The following GABRA4 variants were observed in gnomAD, a reference collection of about 807,000 sequenced individuals.
GABRA4 encodes the protein gamma-aminobutyric acid type A receptor subunit alpha4, also known as gamma-aminobutyric acid receptor subunit alpha-4.
Under a neutral mutation model 49.7 loss-of-function variants are expected in GABRA4, and 12 were observed. That is an observed-to-expected ratio of 0.24 (90% confidence interval 0.15 to 0.39). The LOEUF (loss-of-function observed/expected upper bound fraction) is 0.39. Ranked by LOEUF, GABRA4 falls within the 10% of genes least tolerant of loss-of-function variation. The probability of loss-of-function intolerance (pLI) is 1.00; values close to 1 mark genes in which losing one functional copy is unlikely to be tolerated. For missense variants in GABRA4, 506 were observed against 686.0 expected (o/e 0.74, Z 2.93); for synonymous variants, 288 against 240.2 (o/e 1.20, Z -1.84).
intron 8 of GABRA4, among the ~76,000 whole-genome samples, chr4:46,939,393 G>A (rs1051637625): frequency 2.6e-5 from 4 of 151,878 alleles, no homozygotes; most frequent in African/African-American, 9.6e-5. Flanking sequence ...CTACCCAAAG[G>A]GTTTTCACAA....
chr4:46,919,594 G>C lies in GABRA4; in HGVS notation c.*8631C>G, dbSNP rs141339871. ...ATGATATGAGGAAATATGCATTATT[G>C]TTTTTTTACTTCTATAATAAGGAAT... On this transcript the variant is annotated 3_prime_UTR_variant, in exon 9 of 9. Coordinates refer to ENST00000264318, the MANE Select transcript of GABRA4 (RefSeq NM_000809.4). 1.5e-4 allele frequency: 22 copies of C among 151,422 alleles called. No individual in the cohort carries two copies. The highest frequency in any genetic ancestry group is 5.1e-4 in the African/African-American group (21 of 41,464). The allele number at this position is 151,422 out of a possible 1,614,324, so 9.4% of individuals were successfully genotyped here.
chr4:46,985,734 C>T (rs1458040286), intron 2 of GABRA4, among the ~76,000 whole-genome samples: 5 of 151,910 alleles, frequency 3.3e-5, no homozygotes, highest in African/African-American at 9.7e-5. Context: ...TGGATACATC[C>T]TAACCCTAAT....
intron 8 of GABRA4, among the ~76,000 whole-genome samples, chr4:46,960,235 TA>T (rs1482549166): frequency 4.0e-5 from 6 of 151,350 alleles, no homozygotes; most frequent in Non-Finnish European, 5.9e-5. Flanking sequence ...GATATAGAAA[TA>T]AAGCAGTTAT....
chr4:46,968,190 C>T (rs1722832589), intron 7 of GABRA4, among the ~76,000 whole-genome samples: 1 of 151,490 alleles, frequency 6.6e-6, no homozygotes, highest in Non-Finnish European at 1.5e-5. Flanking sequence ...TTGCTAATTT[C>T]CTCCTAAATA....
At position 46,928,385 on chromosome 4, in the gene GABRA4, G is replaced by T. The variant is rs1254841561; in HGVS notation, c.1505C>A (p.Thr502Asn). The change falls in exon 9 of 9, where the codon ACT (threonine) becomes AAT (asparagine). Residue 502 changes from threonine (T) to asparagine (N), a missense_variant. Thr to Asn is a moderately conservative substitution (Grantham distance 65). Coordinates refer to ENST00000264318, the MANE Select transcript of GABRA4 (RefSeq NM_000809.4). ...TIGATGKLSA[T>N]PPPSAPPPSG... The stretch of plus-strand genomic sequence containing the variant: ...AGGTGGTGGAGCCGATGGAGGAGGA[G>T]TAGCTGACAACTTCCCAGTAGCCCC... 2 of 1,613,662 alleles carry T rather than the reference G, an allele frequency of 1.2e-6. No individual in the cohort carries two copies. Among genetic ancestry groups the T allele is most frequent in the Admixed American group, 3.3e-5 (2 of 59,970 alleles).
chr4:46,976,181 A>T lies in GABRA4; in HGVS notation c.577+880T>A, dbSNP rs192104787. On this transcript the variant is annotated intron_variant, in intron 5 of 8. Coordinates refer to ENST00000264318, the MANE Select transcript of GABRA4 (RefSeq NM_000809.4). ...AGGAATCTCATATTGTTTTCTATCC[A>T]TTCATCTCATCCTGTTGCCTTCATT... Among the ~76,000 whole-genome samples, 772 of 151,688 alleles carry T rather than the reference A, an allele frequency of 5.1e-3. 3 individuals carry two copies. The highest frequency in any genetic ancestry group is 0.017 in the African/African-American group (710 of 41,420).
At chr4:46,976,856 G>A (rs568216768) in intron 5 of GABRA4, among the ~76,000 whole-genome samples, 57 of 151,810 alleles carry the variant, frequency 3.8e-4, no homozygotes, top group Admixed American at 7.9e-4. Flanking sequence ...TGTATAAATA[G>A]GTTTTTGTTT....
chr4:46,956,869 T>C (rs1722386252), intron 8 of GABRA4, among the ~76,000 whole-genome samples: 1 of 152,060 alleles, frequency 6.6e-6, no homozygotes, highest in African/African-American at 2.4e-5. Flanking sequence ...TGTTAAGCAT[T>C]ATGCTATGTG....
chr4:46,935,755 C>T (rs527324580), intron 8 of GABRA4, among the ~76,000 whole-genome samples: 7 of 152,126 alleles, frequency 4.6e-5, no homozygotes, highest in African/African-American at 9.6e-5. Context: ...CACCATGGCA[C>T]GTGTATACCT....
intron 8 of GABRA4, 37 bp downstream of exon 8, chr4:46,964,933 C>A (rs1276054168): frequency 3.3e-6 from 5 of 1,505,272 alleles, no homozygotes; most frequent in African/African-American, 1.4e-5. Flanking sequence ...GACCAAGAAG[C>A]TAAAATCTTA....
At chr4:46,966,123 A>G (rs565847130) in intron 7 of GABRA4, among the ~76,000 whole-genome samples, 1 of 151,858 alleles carries the variant, frequency 6.6e-6, no homozygotes, top group African/African-American at 2.4e-5. Context: ...TAAGAATGTT[A>G]ATATTTGAAC....
intron 2 of GABRA4, among the ~76,000 whole-genome samples, chr4:46,985,915 T>C (rs556765912): frequency 6.6e-6 from 1 of 152,030 alleles, no homozygotes; most frequent in Admixed American, 6.6e-5. Flanking sequence ...CTGTACTAGA[T>C]TATCCCAGTA....
At chr4:46,953,437 G>A (rs549000792) in intron 8 of GABRA4, among the ~76,000 whole-genome samples, 1 of 152,188 alleles carries the variant, frequency 6.6e-6, no homozygotes, top group South Asian at 2.1e-4. Context: ...AACAACAGAT[G>A]TTGTAAATAA....
At chr4:46,928,776 A>C in intron 8 of GABRA4, 21 bp from the exon 9 acceptor site, 7 of 1,524,682 alleles carry the variant, frequency 4.6e-6, no homozygotes, top group Non-Finnish European at 6.3e-6. Context: ...ATATGAAAAA[A>C]TATATTGGTT....
At chr4:46,949,423 C>T (rs1462428029) in intron 8 of GABRA4, among the ~76,000 whole-genome samples, 1 of 152,008 alleles carries the variant, frequency 6.6e-6, no homozygotes, top group Non-Finnish European at 1.5e-5. Context: ...ATTGGTCAAG[C>T]AAGGACATTT....
intron 8 of GABRA4, among the ~76,000 whole-genome samples, chr4:46,954,074 A>C (rs1292183989): frequency 1.3e-5 from 2 of 152,130 alleles, no homozygotes; most frequent in African/African-American, 4.8e-5. Flanking sequence ...TGAAGTGCTT[A>C]AAATATTCTC....
intron 8 of GABRA4, among the ~76,000 whole-genome samples, chr4:46,955,089 C>T (rs1279503354): frequency 1.3e-5 from 2 of 152,090 alleles, no homozygotes; most frequent in East Asian, 1.9e-4. Context: ...AAATTCTATG[C>T]TAAATACATT....
chr4:46,971,176 T>C lies in GABRA4; in HGVS notation c.781A>G (p.Ile261Val). The C allele has an allele frequency of 6.2e-7, 1 of 1,609,704 alleles. No individual in the cohort carries two copies. The highest frequency in any genetic ancestry group is 1.1e-5 in the South Asian group (1 of 90,938). Residue 261 changes from isoleucine to valine, a missense_variant, in exon 7 of 9, where the codon ATT (isoleucine) becomes GTT (valine). Around this residue, in one of 5 missense-constraint regions of GABRA4, gnomAD observed 195 missense variants for 326.0 expected, o/e 0.60. Coordinates refer to ENST00000264318, the MANE Select transcript of GABRA4 (RefSeq NM_000809.4). ...ATAATGCACGGAATATAGGTCTGAA[T>C]CATAAAATAACCCATCTTCCGTCTG... ...HLRRKMGYFM[I>V]QTYIPCIMTV...
At chr4:46,963,485 T>A (rs1393029211) in intron 8 of GABRA4, among the ~76,000 whole-genome samples, 2 of 151,808 alleles carry the variant, frequency 1.3e-5, no homozygotes, top group African/African-American at 4.8e-5. Flanking sequence ...CTGCTTTTGC[T>A]TCTTCCTCAT....
Sources: allele counts gnomAD v4.1 joint callset (sites outside exome capture counted in the v4.1 genomes callset), GRCh38; gene constraint gnomAD v4.1.1; regional missense constraint gnomAD v4.1.1; transcripts MANE v1.5; gene names NCBI Gene and HGNC (gene_info 2026-07-23, HGNC 2026-07-21).